APLF: variants seen among roughly 807,000 people sequenced by gnomAD.
APLF encodes the protein aprataxin and PNKP like factor, also known as aprataxin and PNK-like factor.
APLF carries 61 observed loss-of-function variants against 55.6 expected under a neutral mutation model. The observed-to-expected ratio is 1.10, with a 90% CI of 0.89 to 1.36. APLF has a LOEUF of 1.36. Ranked by LOEUF, APLF falls within the 40% of genes most tolerant of loss-of-function variation. The pLI is 0.00. For synonymous variants in APLF, 207 were observed against 214.8 expected, an observed-to-expected ratio of 0.96 and a Z score of 0.32; for missense variants, 611 against 602.5, an observed-to-expected ratio of 1.01 and a Z score of -0.15.
chr2:68,468,045 C>T (rs1393650131), intron 1 of APLF, among the ~76,000 whole-genome samples: 1 of 152,234 alleles, frequency 6.6e-6, no homozygotes, highest in Admixed American at 6.5e-5. Flanking sequence ...CCATTATTAT[C>T]TTATCCAGGG....
At chr2:68,570,845 G>A (rs968165717) in intron 9 of APLF, among the ~76,000 whole-genome samples, 39 of 152,236 alleles carry the variant, frequency 2.6e-4, no homozygotes, top group Non-Finnish European at 5.3e-4. Context: ...GGTATTTCTA[G>A]TTCTAGATCC....
At chr2:68,570,711 A>G (rs867055816) in intron 9 of APLF, among the ~76,000 whole-genome samples, 11 of 152,116 alleles carry the variant, frequency 7.2e-5, no homozygotes, top group Admixed American at 2.6e-4. Context: ...CATTTGGGTT[A>G]GTTCCAAGTC....
At chr2:68,528,803 T>TGGTTGTG in intron 6 of APLF, 1 of 1,482,756 alleles carries the variant, frequency 6.7e-7, no homozygotes, top group East Asian at 2.5e-5. Context: ...CTTGTCAGTC[T>TGGTTGTG]GGTTGTTTTC....
At chr2:68,577,743 A>G in intron 9 of APLF, 77 bp from the exon 10 acceptor site, 1 of 1,536,970 alleles carries the variant, frequency 6.5e-7, no homozygotes, top group Non-Finnish European at 8.8e-7. Flanking sequence ...ATGCAGAAAG[A>G]CATTTTATAG....
At chr2:68,527,946 C>T (rs931668630) in intron 6 of APLF, among the ~76,000 whole-genome samples, 1 of 150,748 alleles carries the variant, frequency 6.6e-6, no homozygotes, top group Non-Finnish European at 1.5e-5. Flanking sequence ...GGGGCAGGGC[C>T]CGGGCAGAGG....
intron 5 of APLF, among the ~76,000 whole-genome samples, chr2:68,517,350 A>ATG (rs201876304): frequency 8.1e-6 from 1 of 124,220 alleles, no homozygotes; most frequent in South Asian, 2.5e-4. Flanking sequence ...ATATTAATAT[A>ATG]TCATTACTAT....
chr2:68,524,825 G>T (rs1669986246), intron 5 of APLF, among the ~76,000 whole-genome samples: 1 of 152,210 alleles, frequency 6.6e-6, no homozygotes, highest in Non-Finnish European at 1.5e-5. Flanking sequence ...CTGCCTTCAT[G>T]AAGACATCAC....
At position 68,579,140 on chromosome 2, in the gene APLF, T is replaced by G. The variant is rs942040885; in HGVS notation, c.*1118T>G. On this transcript the variant is annotated 3_prime_UTR_variant, in exon 10 of 10. Transcript: ENST00000303795. ...TTCTACTCTAAAGGAACCTAAAAAT[T>G]TATATCTTAAAAGATCAAAACATAT... 6.9e-6 allele frequency: 6 copies of G among 869,568 alleles called. No homozygotes were observed. The African/African-American group carries it at 9.1e-5, about 13-fold the overall frequency. The allele number at this position is 869,568 out of a possible 1,614,324, so 53.9% of individuals were successfully genotyped here. A position where few individuals can be genotyped will look rare whatever the true frequency, so the allele number is the denominator to read the frequency against.
intron 1 of APLF, among the ~76,000 whole-genome samples, chr2:68,481,580 GA>G (rs961372275): frequency 6.6e-6 from 1 of 152,082 alleles, no homozygotes; most frequent in African/African-American, 2.4e-5. Flanking sequence ...AAGTGCCTTG[GA>G]GAGGAACTTT....
chr2:68,576,159 T>TA (rs764184423), intron 9 of APLF, among the ~76,000 whole-genome samples: 13 of 152,156 alleles, frequency 8.5e-5, no homozygotes, highest in Non-Finnish European at 1.8e-4. Context: ...TAGGACATGT[T>TA]ATGTGATAAT....
intron 6 of APLF, among the ~76,000 whole-genome samples, chr2:68,531,889 G>T (rs1057443994): frequency 1.2e-4 from 19 of 152,198 alleles, no homozygotes; most frequent in Non-Finnish European, 2.6e-4. Flanking sequence ...AGGTTTTGAT[G>T]ACATCAAGGG....
At chr2:68,562,641 T>G (rs573534149) in intron 8 of APLF, among the ~76,000 whole-genome samples, 1 of 152,122 alleles carries the variant, frequency 6.6e-6, no homozygotes, top group African/African-American at 2.4e-5. Flanking sequence ...CGATATGATT[T>G]GAACTTAGGT....
At chr2:68,511,289 A>T (rs932282374) in intron 3 of APLF, among the ~76,000 whole-genome samples, 2 of 151,772 alleles carry the variant, frequency 1.3e-5, no homozygotes, top group Admixed American at 1.3e-4. Flanking sequence ...GTGATGCTTT[A>T]TAAATCCTGT....
intron 8 of APLF, among the ~76,000 whole-genome samples, chr2:68,561,879 G>A (rs1216692503): frequency 2.6e-5 from 4 of 151,976 alleles, no homozygotes; most frequent in African/African-American, 7.2e-5. Context: ...ATAAGTGTTA[G>A]CATTAACTCG....
chr2:68,485,455 T>C (rs1028136467), intron 1 of APLF, among the ~76,000 whole-genome samples: 1 of 152,160 alleles, frequency 6.6e-6, no homozygotes, highest in African/African-American at 2.4e-5. Context: ...CCTCCTGTGG[T>C]GATGTGGTAA....
intron 1 of APLF, among the ~76,000 whole-genome samples, chr2:68,484,799 C>T (rs1269414755): frequency 6.6e-6 from 1 of 151,632 alleles, no homozygotes; most frequent in East Asian, 1.9e-4. Context: ...GAGTTTGAGA[C>T]CAGCCTGGCC....
At chr2:68,552,358 CTCTT>C (rs1294262651) in intron 8 of APLF, among the ~76,000 whole-genome samples, 1 of 152,072 alleles carries the variant, frequency 6.6e-6, no homozygotes, top group African/African-American at 2.4e-5. Flanking sequence ...TCTATGAGAG[CTCTT>C]TCTTTGAATA....
intron 2 of APLF, among the ~76,000 whole-genome samples, chr2:68,498,481 C>T (rs1045803148): frequency 2.0e-5 from 3 of 152,156 alleles, no homozygotes; most frequent in East Asian, 3.8e-4. Context: ...CTAATTTGTA[C>T]TTTTAAATTG....
chr2:68,496,845 C>T (rs1211112467), intron 2 of APLF, among the ~76,000 whole-genome samples: 1 of 152,194 alleles, frequency 6.6e-6, no homozygotes, highest in Admixed American at 6.5e-5. Flanking sequence ...TCACTATCAG[C>T]ATTTTGGTCA....
Sources: gnomAD v4.1 joint callset for allele counts (sites outside exome capture counted in the v4.1 genomes callset) on GRCh38, gnomAD v4.1.1 for gene constraint, MANE v1.5 for transcripts, NCBI Gene and HGNC (gene_info 2026-07-23, HGNC 2026-07-21) for gene names.